Variants in NBPF15 observed in about 807,000 individuals in gnomAD.
NBPF15 encodes the protein NBPF member 15, also known as NBPF family member NBPF15.
In NBPF15, 74 loss-of-function variants were observed where a neutral mutation model predicts 62.2. The ratio of observed to expected loss-of-function variants is 1.19; its 90% CI spans 0.99 to 1.44. The LOEUF (loss-of-function observed/expected upper bound fraction) is 1.44. NBPF15 is among the 40% of genes most tolerant of loss of function. NBPF15 has a pLI of 0.00. For synonymous variants in NBPF15, 244 were observed against 209.7 expected (o/e 1.16, Z -1.41); for missense variants, 790 against 550.0 (o/e 1.44, Z -4.36).
Position 144,422,912 on chromosome 1 carries a change from T to A in NBPF15, c.*101A>T. 1 of 1,610,286 alleles carries A rather than the reference T, an allele frequency of 6.2e-7. No homozygotes were observed. Among genetic ancestry groups the A allele is most frequent in the South Asian group, 1.1e-5 (1 of 90,664 alleles). On this transcript the variant is annotated 3_prime_UTR_variant, in exon 22 of 22. Transcript: ENST00000581897. ...TAGAGCCATGCTCACTGACCCATCC[T>A]ATGTCTGGGCTTCCAAATGGAACTG...
At chr1:144,423,426 C>T (rs1399808958) in intron 21 of NBPF15, among the ~76,000 whole-genome samples, 170 bp from the exon 22 acceptor site, 1 of 150,838 alleles carries the variant, frequency 6.6e-6, no homozygotes, top group Non-Finnish European at 1.5e-5. Flanking sequence ...AGAACAGGGC[C>T]AGGTAGAAAA....
At chr1:144,445,214 ATCT>A (rs1306843823) in intron 6 of NBPF15, among the ~76,000 whole-genome samples, 1 of 147,618 alleles carries the variant, frequency 6.8e-6, no homozygotes, top group Non-Finnish European at 1.5e-5. Flanking sequence ...TGTGCTGTTT[ATCT>A]TATCAGACTG....
At chr1:144,440,615 A>C (rs1335251888) in intron 6 of NBPF15, 1 of 196,036 alleles carries the variant, frequency 5.1e-6, no homozygotes, top group Non-Finnish European at 1.0e-5. Context: ...AAATAAAAAA[A>C]TAGAATCATT....
chr1:144,456,409 G>C (rs1553547003), intron 4 of NBPF15, 128 bp downstream of exon 4: 31 of 818,296 alleles, frequency 3.8e-5, no homozygotes, highest in Non-Finnish European at 4.3e-5. Flanking sequence ...TATTAATTCA[G>C]TATCTGTTTC....
rs1469178958 is a variant in NBPF15 at position 144,427,989 on chromosome 1, G to C, written c.1042C>G (p.Leu348Val). Residue 348 changes from leucine (L) to valine (V), a missense_variant and splice_region_variant, in exon 16 of 22, where the codon CTC becomes GTC. Coordinates refer to ENST00000581897, the MANE Select transcript of NBPF15 (RefSeq NM_001385408.1). ...KEDQEATGPR[L>V]SRELLDEKEP... ...TTCTCATCCAGCAGCTCCCTGCTGA[G>C]CCTGGAAAAGTGGGAAAAAGTAAAG... The C allele has an allele frequency of 2.7e-5, 20 of 749,382 alleles. No individual in the cohort carries two copies. Among genetic ancestry groups the C allele is most frequent in the Non-Finnish European group, 5.0e-5 (20 of 403,678 alleles). 46.4% of individuals were successfully genotyped at this position (749,382 alleles called of 1,614,324 possible).
Position 144,423,203 on chromosome 1 carries a change from A to T in NBPF15, c.1823T>A (p.Leu608Gln). The change falls in exon 22 of 22, where the codon CTG becomes CAG. Residue 608 changes from leucine to glutamine, a missense_variant. By Grantham distance (113) the Leu-to-Gln change is moderately radical. Transcript: ENST00000581897. ...TGACGGAGTCGAATAACATCTATCC[A>T]GTGAGTCCTGTAAGACTTCAGGCTC... ...VEEPEVLQDSLDRCYSTPSMY... is the reference protein window; with the variant it reads ...VEEPEVLQDSQDRCYSTPSMY... 1.2e-6 allele frequency: 2 copies of T among 1,611,658 alleles called. No homozygotes were observed. The highest frequency in any genetic ancestry group is 8.5e-7 in the Non-Finnish European group (1 of 1,179,624).
At chr1:144,436,333 C>T (rs1553541191) in intron 10 of NBPF15, among the ~76,000 whole-genome samples, 2 of 151,988 alleles carry the variant, frequency 1.3e-5, no homozygotes, top group African/African-American at 4.8e-5. Flanking sequence ...GGGAGTGCTC[C>T]AGTCTGAAGC....
intron 4 of NBPF15, among the ~76,000 whole-genome samples, chr1:144,455,521 A>T (rs1553546695): frequency 6.6e-6 from 1 of 151,940 alleles, no homozygotes; most frequent in Non-Finnish European, 1.5e-5. Flanking sequence ...GTCTTTGGAT[A>T]AGTTCTGGTG....
chr1:144,442,357 C>T lies in NBPF15; in HGVS notation c.-190-2062G>A, dbSNP rs1396743964. 2.2e-5 allele frequency among the ~76,000 whole-genome samples: 3 copies of T among 133,644 alleles called. No homozygotes were observed. In the East Asian group the frequency reaches 6.4e-4, roughly 29 times the overall value. The allele number at this position is 133,644 out of a possible 152,430, so 87.7% of individuals were successfully genotyped here. A position where few individuals can be genotyped will look rare whatever the true frequency, so the allele number is the denominator to read the frequency against. ...CGTGTGCCATGTATATATATATACA[C>T]ATATATACATGTATACATGTATATA... On this transcript the variant is annotated intron_variant, in intron 6 of 21. Transcript: ENST00000581897.
chr1:144,428,204 C>T (rs1571112511), intron 15 of NBPF15, among the ~76,000 whole-genome samples: 2 of 151,476 alleles, frequency 1.3e-5, no homozygotes, highest in Admixed American at 6.6e-5. Context: ...CACACACACA[C>T]ACACACACAG....
intron 13 of NBPF15, among the ~76,000 whole-genome samples, chr1:144,432,069 C>A (rs1480355492): frequency 4.6e-5 from 7 of 152,172 alleles, no homozygotes; most frequent in Admixed American, 4.6e-4. Flanking sequence ...AATTGCCACA[C>A]TGCCTTCCAC....
At position 144,435,307 on chromosome 1, in the gene NBPF15, C is replaced by T; in HGVS notation, c.576G>A (p.Gln192=). ...CAGGGACTTCCTTTTCTTCAGCCTT[C>T]TGCATCTCCCTGATGAGCCAGGTGG... ...VQKSSAPREM[Q]KAEEKEVPED... Residue 192 remains glutamine, a synonymous_variant, in exon 12 of 22, where the codon CAG becomes CAA. Coordinates refer to ENST00000581897, the MANE Select transcript of NBPF15 (RefSeq NM_001385408.1). 1 of 1,605,374 alleles carries T rather than the reference C, an allele frequency of 6.2e-7. No homozygotes were observed. Among genetic ancestry groups the T allele is most frequent in the Admixed American group, 1.7e-5 (1 of 59,848 alleles).
chr1:144,445,354 T>C (rs1188951463), intron 6 of NBPF15, among the ~76,000 whole-genome samples: 1,125 of 104,390 alleles, frequency 0.011, 25 homozygotes, highest in Middle Eastern at 0.047. Flanking sequence ...TATATATATA[T>C]ACACACACAC....
rs1189590311 is a variant in NBPF15 at position 144,422,614 on chromosome 1, T to G, written c.*399A>C. ...AACACTGAAGACACAAAGAATGAGGTTAGGTTCATTGAAACCAGGGTAACA... is the reference window on the plus strand; with the variant it reads ...AACACTGAAGACACAAAGAATGAGGGTAGGTTCATTGAAACCAGGGTAACA... On this transcript the variant is annotated 3_prime_UTR_variant, in exon 22 of 22. Transcript: ENST00000581897. 1 of 305,418 alleles carries G rather than the reference T, an allele frequency of 3.3e-6. No individual in the cohort carries two copies. Among genetic ancestry groups the G allele is most frequent in the African/African-American group, 2.7e-5 (1 of 36,572 alleles). The allele number at this position is 305,418 out of a possible 1,614,324, so 18.9% of individuals were successfully genotyped here. A position where few individuals can be genotyped will look rare whatever the true frequency, so the allele number is the denominator to read the frequency against.
At chr1:144,442,560 A>G (rs1308214681) in intron 6 of NBPF15, 1 of 151,952 alleles carries the variant, frequency 6.6e-6, no homozygotes, top group Non-Finnish European at 1.5e-5. Context: ...AACAGCAGCG[A>G]CCAGAGGAGC....
intron 9 of NBPF15, among the ~76,000 whole-genome samples, chr1:144,437,475 A>G (rs1462365969): frequency 2.1e-4 from 30 of 145,032 alleles, no homozygotes; most frequent in Non-Finnish European, 3.5e-4. Context: ...ATACAAAGCC[A>G]TGTACAGAAA....
chr1:144,445,821 G>C (rs587768610), intron 6 of NBPF15, among the ~76,000 whole-genome samples: 1 of 125,206 alleles, frequency 8.0e-6, no homozygotes, highest in African/African-American at 2.9e-5. Context: ...AGTTTTTGGT[G>C]TACTGGCCTT....
chr1:144,451,260 C>T (rs1450299380), intron 4 of NBPF15, among the ~76,000 whole-genome samples: 3 of 151,948 alleles, frequency 2.0e-5, no homozygotes, highest in Non-Finnish European at 4.4e-5. Flanking sequence ...AGTATTGCTG[C>T]CAGCATGTCC....
At chr1:144,437,393 C>T (rs1679289417) in intron 9 of NBPF15, among the ~76,000 whole-genome samples, 1 of 148,400 alleles carries the variant, frequency 6.7e-6, no homozygotes, top group South Asian at 2.2e-4. Flanking sequence ...AAAAAGACAT[C>T]CTTTCAGTTC....
Sources: gnomAD v4.1 joint callset for allele counts (sites outside exome capture counted in the v4.1 genomes callset) on GRCh38, gnomAD v4.1.1 for gene constraint, MANE v1.5 for transcripts, NCBI Gene and HGNC (gene_info 2026-07-23, HGNC 2026-07-21) for gene names.